Variants in RUNX1T1 observed in about 807,000 individuals in gnomAD.
The protein encoded by RUNX1T1 is protein CBFA2T1.
Under a neutral mutation model 62.8 loss-of-function variants are expected in RUNX1T1, and 4 were observed. The ratio of observed to expected loss-of-function variants is 0.06; its 90% CI spans 0.03 to 0.15. RUNX1T1 has a LOEUF of 0.15. Among genes scored for constraint, RUNX1T1 ranks in the 10% least tolerant of loss-of-function variants. The pLI is 1.00. For synonymous variants in RUNX1T1, 291 were observed against 286.0 expected (o/e 1.02, Z -0.18); for missense variants, 508 against 754.3 (o/e 0.67, Z 3.82).
chr8:91,973,318 T>C (rs2130660172), intron 9 of RUNX1T1, among the ~76,000 whole-genome samples: 1 of 151,876 alleles, frequency 6.6e-6, no homozygotes, highest in East Asian at 1.9e-4. Context: ...TATGATAAAA[T>C]AAGGGAATCT....
chr8:92,005,483 T>A (rs1315695269), intron 4 of RUNX1T1, 186 bp from the exon 6 acceptor site: 1 of 559,686 alleles, frequency 1.8e-6, no homozygotes, highest in Non-Finnish European at 3.1e-6. Context: ...CAGATTGCCC[T>A]AAGTGTGAGG....
intron 5 of RUNX1T1, among the ~76,000 whole-genome samples, chr8:91,992,364 C>CTTACACACAGCTA (rs1435568343): frequency 1.3e-5 from 2 of 152,056 alleles, no homozygotes; most frequent in Non-Finnish European, 2.9e-5. Flanking sequence ...ACTGTGTTGT[C>CTTACACACAGCTA]CAATACAGTA....
chr8:92,103,370 C>G (rs887257826), upstream of RUNX1T1: 37 of 174,428 alleles, frequency 2.1e-4, no homozygotes, highest in East Asian at 4.1e-4. Context: ...CGCTGTGCGC[C>G]GAGAGCGCCC....
intron 1 of RUNX1T1, chr8:92,081,202 A>T (rs1244462990): frequency 1.7e-6 from 1 of 594,768 alleles, no homozygotes; most frequent in Non-Finnish European, 2.1e-6. Flanking sequence ...TATCAGGATG[A>T]TATGAGGAGA....
chr8:92,017,983 T>A (rs1416704450), intron 1 of RUNX1T1, among the ~76,000 whole-genome samples: 1 of 152,190 alleles, frequency 6.6e-6, no homozygotes, highest in Non-Finnish European at 1.5e-5. Context: ...ACTTAAAAGG[T>A]GTAAATTTAT....
At chr8:92,012,903 T>C (rs951381044) in intron 3 of RUNX1T1, among the ~76,000 whole-genome samples, 10 of 152,190 alleles carry the variant, frequency 6.6e-5, no homozygotes, top group Non-Finnish European at 1.5e-4. Context: ...TCCCCTATTT[T>C]CCTCTCTAGG....
intron 1 of RUNX1T1, among the ~76,000 whole-genome samples, chr8:92,076,409 T>C (rs1047659995): frequency 6.6e-6 from 1 of 152,144 alleles, no homozygotes; most frequent in African/African-American, 2.4e-5. Context: ...TTTTCTTAAA[T>C]TGGTTTTAAA....
intron 1 of RUNX1T1, among the ~76,000 whole-genome samples, chr8:92,078,775 C>A (rs1235141105): frequency 1.3e-5 from 2 of 152,138 alleles, no homozygotes; most frequent in African/African-American, 4.8e-5. Context: ...AAACCAGATG[C>A]AGACAGAAAA....
At chr8:92,059,057 A>G (rs1831487695) in intron 1 of RUNX1T1, among the ~76,000 whole-genome samples, 1 of 152,208 alleles carries the variant, frequency 6.6e-6, no homozygotes, top group Non-Finnish European at 1.5e-5. Flanking sequence ...AAGAATGTAA[A>G]GAGAAGGGAG....
At chr8:91,962,403 T>C (rs1810681935) in intron 10 of RUNX1T1, among the ~76,000 whole-genome samples, 1 of 152,256 alleles carries the variant, frequency 6.6e-6, no homozygotes, top group African/African-American at 2.4e-5. Flanking sequence ...ACTTGGTTGA[T>C]ATGTCAAAAA....
chr8:92,071,872 C>T (rs1833737135), intron 2 of RUNX1T1, among the ~76,000 whole-genome samples: 2 of 152,126 alleles, frequency 1.3e-5, no homozygotes, highest in Non-Finnish European at 1.5e-5. Context: ...GAACATTCTC[C>T]TCTCACTCTC....
intron 1 of RUNX1T1, among the ~76,000 whole-genome samples, chr8:92,032,918 T>C (rs1826526979): frequency 6.6e-6 from 1 of 152,184 alleles, no homozygotes; most frequent in East Asian, 1.9e-4. Context: ...GTTTAACCTC[T>C]CTAGTATTTT....
intron 1 of RUNX1T1, among the ~76,000 whole-genome samples, chr8:92,033,171 A>C (rs1826579798): frequency 6.6e-6 from 1 of 152,226 alleles, no homozygotes; most frequent in African/African-American, 2.4e-5. Flanking sequence ...AAAGAAATTC[A>C]TAATGAGGAA....
intron 8 of RUNX1T1, 44 bp from the exon 10 acceptor site, chr8:91,976,017 T>C (rs1372888564): frequency 2.2e-6 from 3 of 1,356,810 alleles, no homozygotes; most frequent in South Asian, 1.2e-5. Flanking sequence ...AGGAGAGTAC[T>C]GTAAGCACAC....
At chr8:91,970,485 A>G (rs1475890625) in intron 10 of RUNX1T1, among the ~76,000 whole-genome samples, 173 bp downstream of exon 11, 1 of 152,210 alleles carries the variant, frequency 6.6e-6, no homozygotes, top group African/African-American at 2.4e-5. Context: ...GGTGTTCAAT[A>G]AAAAGACAAA....
upstream of RUNX1T1, chr8:92,103,309 G>C (rs1808470201): frequency 4.9e-6 from 1 of 206,118 alleles, no homozygotes; most frequent in Admixed American, 6.0e-5. Context: ...GGAAGGCGAC[G>C]CATTTATCTG....
intron 4 of RUNX1T1, chr8:92,005,500 A>G: frequency 1.9e-6 from 1 of 526,470 alleles, no homozygotes; most frequent in East Asian, 3.4e-5. Context: ...GAGGTGACTG[A>G]CCCTTGTACA....
At chr8:92,004,964 C>T in intron 5 of RUNX1T1, 152 bp downstream of exon 6, 2 of 667,020 alleles carry the variant, frequency 3.0e-6, no homozygotes, top group Non-Finnish European at 4.9e-6. Flanking sequence ...AAATCCCAGG[C>T]CAGAGCCAGA....
rs1034084100 is a variant in RUNX1T1 at position 92,051,913 on chromosome 8, G to T, written c.7+10633C>A. Among the ~76,000 whole-genome samples the T allele has an allele frequency of 2.6e-5, 4 of 151,628 alleles. No individual in the cohort carries two copies. In the East Asian group the frequency reaches 7.8e-4, roughly 29 times the overall value. On this transcript the variant is annotated intron_variant, in intron 1 of 10. Transcript: ENST00000396218. ...CTTTAAAAAAAAAAAAAAATCCTTT[G>T]CCTGTGTCCCTAGACTTCCACATTT...
Sources: allele counts gnomAD v4.1 joint callset (sites outside exome capture counted in the v4.1 genomes callset), GRCh38; gene constraint gnomAD v4.1.1; transcripts MANE v1.5; gene names NCBI Gene and HGNC (gene_info 2026-07-23, HGNC 2026-07-21).